Variants in MCF2L2 observed in about 807,000 individuals in gnomAD.
MCF2L2 encodes the protein probable guanine nucleotide exchange factor MCF2L2.
A neutral mutation model predicts 150.2 loss-of-function variants in MCF2L2; 102 were observed. The ratio of observed to expected loss-of-function variants is 0.68; its 90% CI spans 0.58 to 0.80. The LOEUF (loss-of-function observed/expected upper bound fraction) is 0.80, where lower values mean the gene tolerates loss of function less well. Among genes scored for constraint, MCF2L2 ranks in the 30% least tolerant of loss-of-function variants. The pLI is 0.00. For missense variants in MCF2L2, 1,256 were observed against 1,372.8 expected (o/e 0.91, Z 1.34); for synonymous variants, 465 against 491.3 (o/e 0.95, Z 0.71).
Position 183,379,315 on chromosome 3 carries a change from T to C in MCF2L2, c.257A>G (p.Tyr86Cys), listed in dbSNP as rs1387663817. Residue 86 changes from tyrosine (Y) to cysteine (C), a missense_variant, in exon 3 of 30, where the codon TAC becomes TGC. Tyr to Cys is a radical substitution (Grantham distance 194). Coordinates refer to ENST00000328913, the MANE Select transcript of MCF2L2 (RefSeq NM_015078.4). Reference sequence around the variant, plus strand: ...AGCTCACCTGGGGATGCTAGTCAGGTAGGTCATGACATTCAGGAAGTCTTC... The same window carrying C: ...AGCTCACCTGGGGATGCTAGTCAGGCAGGTCATGACATTCAGGAAGTCTTC... The part of the protein sequence containing the change: ...PDEDFLNVMT[Y>C]LTSIPSVEAA... The C allele has an allele frequency of 7.5e-6, 12 of 1,609,474 alleles. No individual in the cohort carries two copies. The highest frequency in any genetic ancestry group is 1.3e-5 in the African/African-American group (1 of 74,670).
intron 5 of MCF2L2, among the ~76,000 whole-genome samples, chr3:183,326,559 T>C (rs931855300): frequency 2.1e-5 from 3 of 140,968 alleles, no homozygotes; most frequent in Non-Finnish European, 4.6e-5. Context: ...GAAGTAATTA[T>C]AGATTCACAA....
At chr3:183,191,285 T>G (rs1360801991) in intron 27 of MCF2L2, among the ~76,000 whole-genome samples, 5 of 149,324 alleles carry the variant, frequency 3.3e-5, no homozygotes, top group Admixed American at 6.7e-5. Context: ...CCTATCACCA[T>G]CCCCCACCAG....
At chr3:183,379,723 A>G (rs181598550) in intron 2 of MCF2L2, among the ~76,000 whole-genome samples, 4 of 152,326 alleles carry the variant, frequency 2.6e-5, no homozygotes, top group African/African-American at 7.2e-5. Context: ...ATTGCTCTTC[A>G]TTTTTGTAGT....
chr3:183,286,943 A>G, intron 14 of MCF2L2, among the ~76,000 whole-genome samples: 1 of 152,246 alleles, frequency 6.6e-6, no homozygotes, highest in East Asian at 1.9e-4. Context: ...GTGCTTGTTT[A>G]ACAGTACCCA....
chr3:183,231,074 G>T, intron 15 of MCF2L2, 57 bp from the exon 16 acceptor site: 1 of 1,286,174 alleles, frequency 7.8e-7, no homozygotes, highest in Non-Finnish European at 1.1e-6. Flanking sequence ...AGAGGAGAAT[G>T]TTCTTTTAGA....
intron 7 of MCF2L2, among the ~76,000 whole-genome samples, chr3:183,312,004 C>T (rs551109693): frequency 1.3e-5 from 2 of 152,272 alleles, no homozygotes; most frequent in South Asian, 4.1e-4. Flanking sequence ...TATTTTTCCT[C>T]TTCAAAATCA....
At chr3:183,299,677 G>A (rs971798149) in intron 11 of MCF2L2, 1 of 258,854 alleles carries the variant, frequency 3.9e-6, no homozygotes, top group Non-Finnish European at 7.3e-6. Context: ...TATAGTGCTT[G>A]GTTCTCTGTA....
chr3:183,299,913 A>G, intron 11 of MCF2L2, 92 bp downstream of exon 11: 1 of 1,368,380 alleles, frequency 7.3e-7, no homozygotes, highest in Non-Finnish European at 1.0e-6. Context: ...CAAGCCTCTC[A>G]GCAATCACAC....
In MCF2L2 at chr3:183,270,245, A is replaced by C; in HGVS notation, c.1862+6627T>G. On this transcript the variant is annotated intron_variant, in intron 15 of 29. Transcript: ENST00000328913. The surrounding 1 kb of genome is among the most constrained non-coding windows in gnomAD (Gnocchi z 4.5). ...AACTACAAAGAAAACTGGCTTGGGA[A>C]GATCAAAGGTACAATGATATAATTC... The C allele has an allele frequency of 6.2e-7, 1 of 1,614,218 alleles. No homozygotes were observed. The highest frequency in any genetic ancestry group is 8.5e-7 in the Non-Finnish European group (1 of 1,180,008).
intron 8 of MCF2L2, among the ~76,000 whole-genome samples, 171 bp from the exon 9 acceptor site, chr3:183,311,200 T>C (rs1171066185): frequency 6.6e-6 from 1 of 152,234 alleles, no homozygotes; most frequent in Non-Finnish European, 1.5e-5. Context: ...CAGCAGGCTT[T>C]GCACCTTTCA....
chr3:183,310,742 C>G, intron 9 of MCF2L2, 173 bp downstream of exon 9: 3 of 590,020 alleles, frequency 5.1e-6, no homozygotes, highest in Non-Finnish European at 9.1e-6. Flanking sequence ...AGTTTGACTC[C>G]ACTGAAAAAG....
At chr3:183,326,505 A>AAAAAAAAAAAAC (rs1730039805) in intron 5 of MCF2L2, among the ~76,000 whole-genome samples, 1 of 148,810 alleles carries the variant, frequency 6.7e-6, no homozygotes, top group Non-Finnish European at 1.5e-5. Context: ...AAAAAAAAAA[A>AAAAAAAAAAAAC]AAAAAAAAAA....
chr3:183,337,552 C>CAAAAAAAAAAA (rs61184812), intron 5 of MCF2L2, among the ~76,000 whole-genome samples: 1 of 72,000 alleles, frequency 1.4e-5, no homozygotes, highest in Non-Finnish European at 3.0e-5. Context: ...GACTCCATCT[C>CAAAAAAAAAAA]AAAAAAAAAA....
chr3:183,331,335 G>A (rs1011637214), intron 5 of MCF2L2, among the ~76,000 whole-genome samples: 1 of 152,164 alleles, frequency 6.6e-6, no homozygotes, highest in Non-Finnish European at 1.5e-5. Flanking sequence ...CATGCGGCGT[G>A]AGGTGACCCC....
At chr3:183,295,156 T>C in intron 13 of MCF2L2, 144 bp downstream of exon 13, 3 of 761,016 alleles carry the variant, frequency 3.9e-6, no homozygotes, top group Non-Finnish European at 4.1e-6. Flanking sequence ...GTCTTCCATG[T>C]CTGCACTATG....
At chr3:183,342,328 G>A (rs1410355496) in intron 3 of MCF2L2, among the ~76,000 whole-genome samples, 2 of 152,102 alleles carry the variant, frequency 1.3e-5, no homozygotes, top group South Asian at 2.1e-4. Context: ...TGGTTCAAAC[G>A]CTAGTATTGC....
Position 183,382,565 on chromosome 3 carries a change from T to C in MCF2L2, c.161-3154A>G, listed in dbSNP as rs112700457. ...AGCTGGACTTAACTGTGGGGCAACC[T>C]ACAACATGGCATCTAGTGCCACCTT... is the stretch of plus-strand genomic sequence containing the variant. On this transcript the variant is annotated intron_variant, in intron 2 of 29. Transcript: ENST00000328913. Among the ~76,000 whole-genome samples the C allele has an allele frequency of 5.1e-3, 777 of 152,232 alleles. 4 individuals carry two copies. Among genetic ancestry groups the C allele is most frequent in the African/African-American group, 0.018 (754 of 41,518 alleles).
At chr3:183,373,326 G>A (rs1472079462) in intron 3 of MCF2L2, 1 of 152,156 alleles carries the variant, frequency 6.6e-6, no homozygotes, top group Non-Finnish European at 1.5e-5. Context: ...TAATTCAATA[G>A]TTCCTTATGT....
At chr3:183,320,494 C>A (rs1560020147) in intron 6 of MCF2L2, among the ~76,000 whole-genome samples, 1 of 152,162 alleles carries the variant, frequency 6.6e-6, no homozygotes, top group Non-Finnish European at 1.5e-5. Context: ...GAGAAGAATT[C>A]CTTCCTTAAA....
Sources: gnomAD v4.1 joint callset for allele counts (sites outside exome capture counted in the v4.1 genomes callset) on GRCh38, gnomAD v4.1.1 for gene constraint, Gnocchi (gnomAD v3.1) non-coding constraint, MANE v1.5 for transcripts, NCBI Gene and HGNC (gene_info 2026-07-23, HGNC 2026-07-21) for gene names.